The following GSAP variants were observed in gnomAD, a reference collection of about 807,000 sequenced individuals.
The protein encoded by GSAP is gamma-secretase activating protein.
GSAP carries 118 observed loss-of-function variants against 131.7 expected under a neutral mutation model. The observed-to-expected ratio is 0.90, with a 90% CI of 0.77 to 1.04. The LOEUF (loss-of-function observed/expected upper bound fraction) is 1.04. Ranked by LOEUF, GSAP falls within the 50% of genes least tolerant of loss-of-function variation. The pLI is 0.00. For missense variants in GSAP, 1,019 were observed against 1,013.2 expected (o/e 1.01, Z -0.08); for synonymous variants, 381 against 363.4 (o/e 1.05, Z -0.55).
intron 6 of GSAP, among the ~76,000 whole-genome samples, chr7:77,386,308 T>C (rs556677566): frequency 2.0e-5 from 3 of 152,332 alleles, no homozygotes; most frequent in South Asian, 2.1e-4. Flanking sequence ...GTTTTGAAAG[T>C]ATAGACACTC....
chr7:77,413,314 C>T (rs7805856), intron 1 of GSAP, among the ~76,000 whole-genome samples: 18,521 of 152,178 alleles, frequency 0.12, 1,626 homozygotes, highest in East Asian at 0.41. Flanking sequence ...CCTTTAAAGC[C>T]CACTCAGTTT....
At chr7:77,351,324 AGGGCATCACAT>A (rs11274597) in intron 18 of GSAP, 320,472 of 897,510 alleles carry the variant, frequency 0.36, 64,571 homozygotes, top group African/African-American at 0.53. Context: ...TCTATGTGTA[AGGGCATCACAT>A]TTTCTATTAT....
chr7:77,327,019 A>T (rs1298236637), intron 22 of GSAP: 1 of 152,292 alleles, frequency 6.6e-6, no homozygotes, highest in South Asian at 2.1e-4. Flanking sequence ...GAGGGCATCG[A>T]TATCTCTTGA....
chr7:77,367,673 T>A (rs746318086), intron 12 of GSAP, among the ~76,000 whole-genome samples: 1 of 152,212 alleles, frequency 6.6e-6, no homozygotes, highest in East Asian at 1.9e-4. Context: ...TTTGTTCTTA[T>A]GTCTCTGACA....
intron 7 of GSAP, 74 bp downstream of exon 7, chr7:77,382,500 T>C: frequency 2.6e-6 from 2 of 779,998 alleles, no homozygotes; most frequent in Non-Finnish European, 4.6e-6. Flanking sequence ...ATCTAGAAGA[T>C]TCAATCATGT....
At position 77,387,463 on chromosome 7, in the gene GSAP, A is replaced by C; in HGVS notation, c.368-15T>G. ...GCACTTTGATCCTACAGAGAAAAGA[A>C]GGCTTTTAGTAACGAAGATTGTAAT... On this transcript the variant is annotated splice_polypyrimidine_tract_variant and intron_variant, in intron 5 of 30. Transcript: ENST00000257626. 7.1e-7 allele frequency: 1 copy of C among 1,403,998 alleles called. No homozygotes were observed. Among genetic ancestry groups the C allele is most frequent in the South Asian group, 1.2e-5 (1 of 85,852 alleles). 87.0% of individuals were successfully genotyped at this position (1,403,998 alleles called of 1,614,324 possible). A position where few individuals can be genotyped will look rare whatever the true frequency, so the allele number is the denominator to read the frequency against.
chr7:77,370,445 A>T (rs1795955343), intron 12 of GSAP, among the ~76,000 whole-genome samples: 1 of 152,174 alleles, frequency 6.6e-6, no homozygotes, highest in Non-Finnish European at 1.5e-5. Context: ...TAGGCAACAG[A>T]GCAGAGCAGG....
intron 6 of GSAP, among the ~76,000 whole-genome samples, chr7:77,383,785 C>T (rs942320932): frequency 1.3e-5 from 2 of 152,208 alleles, no homozygotes; most frequent in Non-Finnish European, 2.9e-5. Context: ...TCACCCAAAA[C>T]TTGAAAGTAA....
chr7:77,376,921 C>T lies in GSAP; in HGVS notation c.682-14G>A. The T allele has an allele frequency of 3.0e-6, 4 of 1,346,264 alleles. No homozygotes were observed. Among genetic ancestry groups the T allele is most frequent in the Non-Finnish European group, 3.1e-6 (3 of 972,532 alleles). The allele number at this position is 1,346,264 out of a possible 1,614,324, so 83.4% of individuals were successfully genotyped here. ...ACTCCTTGATTTCTAAAAGAGAAAA[C>T]AGAATGGCATATTAAAAAACCAGGA... On this transcript the variant is annotated splice_polypyrimidine_tract_variant and intron_variant, in intron 9 of 30. Coordinates refer to ENST00000257626, the MANE Select transcript of GSAP (RefSeq NM_017439.4).
At chr7:77,368,696 A>C (rs1402681925) in intron 12 of GSAP, among the ~76,000 whole-genome samples, 1 of 152,240 alleles carries the variant, frequency 6.6e-6, no homozygotes, top group Non-Finnish European at 1.5e-5. Context: ...AAGTTAATTA[A>C]ATTATCTAAG....
chr7:77,347,149 T>C (rs1230759969), intron 19 of GSAP, among the ~76,000 whole-genome samples: 1 of 152,146 alleles, frequency 6.6e-6, no homozygotes, highest in East Asian at 1.9e-4. Flanking sequence ...CCTTCCCCCA[T>C]ACCCCACTCT....
chr7:77,335,098 G>A (rs978395729), intron 19 of GSAP, among the ~76,000 whole-genome samples: 12 of 147,546 alleles, frequency 8.1e-5, no homozygotes, highest in African/African-American at 3.0e-4. Context: ...AAAAAAAAAA[G>A]AAAAAAAGAA....
chr7:77,396,171 C>T (rs181994293), intron 5 of GSAP, among the ~76,000 whole-genome samples: 1 of 152,250 alleles, frequency 6.6e-6, no homozygotes, highest in East Asian at 1.9e-4. Flanking sequence ...GCATCCCTAC[C>T]CTACTACTAG....
At chr7:77,355,504 C>G (rs1184888681) in intron 15 of GSAP, 51 bp downstream of exon 15, 1 of 1,520,926 alleles carries the variant, frequency 6.6e-7, no homozygotes, top group Admixed American at 1.8e-5. Context: ...ATATTAAAGT[C>G]AAAACAAACT....
At chr7:77,397,579 T>C (rs895044064) in intron 3 of GSAP, among the ~76,000 whole-genome samples, 164 bp from the exon 4 acceptor site, 1 of 152,170 alleles carries the variant, frequency 6.6e-6, no homozygotes, top group African/African-American at 2.4e-5. Flanking sequence ...GAGTACTCTT[T>C]ACCAAAAAAA....
intron 19 of GSAP, among the ~76,000 whole-genome samples, chr7:77,346,760 G>A (rs190337214): frequency 3.1e-4 from 47 of 151,986 alleles, no homozygotes; most frequent in African/African-American, 1.1e-3. Context: ...TGTTTTGTAT[G>A]TATTAATTTT....
intron 12 of GSAP, among the ~76,000 whole-genome samples, chr7:77,365,691 C>T (rs933131613): frequency 2.0e-5 from 3 of 152,098 alleles, no homozygotes; most frequent in Non-Finnish European, 4.4e-5. Flanking sequence ...CTGCAATTGA[C>T]ATTTGCATAC....
At chr7:77,415,100 T>C (rs1198263404) in intron 1 of GSAP, among the ~76,000 whole-genome samples, 1 of 152,182 alleles carries the variant, frequency 6.6e-6, no homozygotes, top group East Asian at 1.9e-4. Context: ...ATGACACTAA[T>C]GCAAACTCAA....
At chr7:77,355,835 C>G (rs1465670920) in intron 14 of GSAP, among the ~76,000 whole-genome samples, 188 bp from the exon 15 acceptor site, 1 of 136,634 alleles carries the variant, frequency 7.3e-6, no homozygotes, top group South Asian at 2.3e-4. Context: ...GTCACCCAGG[C>G]TGGAGTAGCG....
Sources: allele counts gnomAD v4.1 joint callset (sites outside exome capture counted in the v4.1 genomes callset), GRCh38; gene constraint gnomAD v4.1.1; transcripts MANE v1.5; gene names NCBI Gene and HGNC (gene_info 2026-07-23, HGNC 2026-07-21).